NAV2: variants seen among roughly 807,000 people sequenced by gnomAD.
The protein encoded by NAV2 is neuron navigator 2, also known as helicase, APC down-regulated 1.
A neutral mutation model predicts 223.2 loss-of-function variants in NAV2; 54 were observed. The ratio of observed to expected loss-of-function variants is 0.24; its 90% CI spans 0.19 to 0.30. NAV2 has a LOEUF of 0.30. NAV2 is among the 10% of genes least tolerant of loss of function. The pLI is 1.00. For synonymous variants in NAV2, 1,279 were observed against 1,239.3 expected, an observed-to-expected ratio of 1.03 and a Z score of -0.67; for missense variants, 2,806 against 3,147.5, an observed-to-expected ratio of 0.89 and a Z score of 2.60.
Position 20,118,222 on chromosome 11 carries a change from T to A in NAV2, c.7254T>A (p.Asp2418Glu), listed in dbSNP as rs144927008. The A allele has an allele frequency of 4.4e-4, 710 of 1,614,086 alleles. 1 individual carries two copies. The highest frequency in any genetic ancestry group is 3.0e-3 in the Admixed American group (181 of 60,016). Residue 2418 changes from aspartate to glutamate, a missense_variant, in exon 38 of 38, where the codon GAT becomes GAA. By Grantham distance (45) the Asp-to-Glu change is conservative (BLOSUM62 2). Coordinates refer to ENST00000349880, the MANE Select transcript of NAV2 (RefSeq NM_145117.5). ...ACTCCAACAGCAACAGCCATCACGA[T>A]GACATCTTGGACTCCTCTTTGGAGT... ...DSDSNSNSHH[D>E]DILDSSLEST...
chr11:19,938,729 G>A (rs979662246), intron 7 of NAV2, among the ~76,000 whole-genome samples: 2 of 152,140 alleles, frequency 1.3e-5, no homozygotes, highest in South Asian at 2.1e-4. Flanking sequence ...GGAGCACAGG[G>A]AGTATGAAAT....
intron 1 of NAV2, among the ~76,000 whole-genome samples, chr11:19,642,037 G>T (rs550959909): frequency 7.7e-4 from 117 of 152,246 alleles, no homozygotes; most frequent in African/African-American, 2.7e-3. Flanking sequence ...ATAGATATTG[G>T]TTGAATTAAT....
chr11:19,870,738 A>G (rs1284887591), intron 4 of NAV2, among the ~76,000 whole-genome samples: 7 of 152,202 alleles, frequency 4.6e-5, no homozygotes, highest in Admixed American at 4.6e-4. Context: ...GCCTCAGTTT[A>G]TAGATGAAGA....
chr11:19,774,592 C>G (rs1255434737), intron 1 of NAV2, among the ~76,000 whole-genome samples: 1 of 152,084 alleles, frequency 6.6e-6, no homozygotes, highest in Admixed American at 6.6e-5. Flanking sequence ...TGTGTGTGTG[C>G]ATGGTAGGGA....
intron 1 of NAV2, among the ~76,000 whole-genome samples, chr11:19,569,699 G>A (rs1477407404): frequency 6.6e-6 from 1 of 152,118 alleles, no homozygotes; most frequent in Non-Finnish European, 1.5e-5. Flanking sequence ...AAGGAATCAG[G>A]ATGCAAAGGG....
chr11:19,402,732 T>C (rs2729912), intron 1 of NAV2, among the ~76,000 whole-genome samples: 124,498 of 152,210 alleles, frequency 0.82, 51,706 homozygotes, highest in Non-Finnish European at 0.9. Flanking sequence ...TATACTCTTG[T>C]GATTAAGTAG....
intron 5 of NAV2, among the ~76,000 whole-genome samples, chr11:19,889,740 G>A (rs746924952): frequency 6.6e-6 from 1 of 152,118 alleles, no homozygotes; most frequent in South Asian, 2.1e-4. Flanking sequence ...CCCAAACCAC[G>A]GATGTTTCAT....
At position 20,048,893 on chromosome 11, in the gene NAV2, C is replaced by T. The variant is rs1474693895; in HGVS notation, c.4068C>T (p.Tyr1356=). Residue 1356 remains tyrosine, a synonymous_variant, in exon 15 of 38, where the codon TAC becomes TAT. Coordinates refer to ENST00000349880, the MANE Select transcript of NAV2 (RefSeq NM_145117.5). ...VLSSGSSSPL[Y]SKNVDLNQSP... ...GCAGTGGGAGCAGCAGTCCTCTCTA[C>T]AGCAAGAATGTGGACCTCAACCAGT... 3 of 1,614,072 alleles carry T rather than the reference C, an allele frequency of 1.9e-6. No individual in the cohort carries two copies. The highest frequency in any genetic ancestry group is 2.5e-6 in the Non-Finnish European group (3 of 1,180,042).
chr11:19,558,038 C>T (rs1422178978), intron 1 of NAV2, among the ~76,000 whole-genome samples: 4 of 152,134 alleles, frequency 2.6e-5, no homozygotes, highest in African/African-American at 4.8e-5. Context: ...GGCAGTATAA[C>T]GTGGTGCTTA....
chr11:19,671,623 C>A (rs2048572291), intron 1 of NAV2, among the ~76,000 whole-genome samples: 1 of 152,214 alleles, frequency 6.6e-6, no homozygotes, highest in African/African-American at 2.4e-5. Context: ...GACTGAGTTT[C>A]AACAGTTTAG....
chr11:19,787,270 CTTTTTTT>C lies in NAV2; in HGVS notation c.268-45192_268-45186del, dbSNP rs757183666. Among the ~76,000 whole-genome samples the C allele has an allele frequency of 4.5e-3, 247 of 54,990 alleles. 8 individuals are homozygous for C. The highest frequency in any genetic ancestry group is 0.045 in the East Asian group (25 of 560). The allele number at this position is 54,990 out of a possible 152,430, so 36.1% of individuals were successfully genotyped here. A position where few individuals can be genotyped will look rare whatever the true frequency, so the allele number is the denominator to read the frequency against. On this transcript the variant is annotated intron_variant, in intron 1 of 37. Transcript: ENST00000349880. ...CATGCCTGGCTAATTTTTATTGGAT[CTTTTTTT>C]TTTTTTTTTTTTTTTTTTTTTGGAG... is the stretch of plus-strand genomic sequence containing the variant.
At chr11:19,368,522 T>C (rs1438449661) in intron 1 of NAV2, among the ~76,000 whole-genome samples, 1 of 152,192 alleles carries the variant, frequency 6.6e-6, no homozygotes, top group African/African-American at 2.4e-5. Context: ...AGTTTTCTCA[T>C]CTGTATGATG....
intron 1 of NAV2, among the ~76,000 whole-genome samples, chr11:19,793,206 C>CA (rs557365857): frequency 0.017 from 993 of 57,354 alleles, 15 homozygotes; most frequent in East Asian, 0.027. Context: ...CACTCTGTCT[C>CA]AAAAAAAAAA....
intron 1 of NAV2, among the ~76,000 whole-genome samples, chr11:19,458,924 C>A (rs992717617): frequency 2.0e-5 from 3 of 152,216 alleles, no homozygotes; most frequent in Admixed American, 2.0e-4. Flanking sequence ...ACTGTGCAGG[C>A]CACTGTTGCA....
intron 1 of NAV2, among the ~76,000 whole-genome samples, chr11:19,585,267 G>C (rs1730917698): frequency 6.6e-6 from 1 of 152,104 alleles, no homozygotes; most frequent in African/African-American, 2.4e-5. Flanking sequence ...TTGAGCCTAT[G>C]TGTGTCTCTA....
chr11:19,346,584 C>G (rs1564865107), upstream of NAV2, among the ~76,000 whole-genome samples: 1 of 152,184 alleles, frequency 6.6e-6, no homozygotes, highest in Non-Finnish European at 1.5e-5. Context: ...CAGCTGGGGC[C>G]CTAGTGACTT....
chr11:19,888,447 G>A (rs372550364), intron 5 of NAV2, among the ~76,000 whole-genome samples: 2 of 152,202 alleles, frequency 1.3e-5, no homozygotes, highest in African/African-American at 4.8e-5. Flanking sequence ...GATGCTTCCA[G>A]ACTGGAGGTT....
At chr11:19,814,879 T>C (rs114929076) in intron 1 of NAV2, among the ~76,000 whole-genome samples, 3,669 of 152,274 alleles carry the variant, frequency 0.024, 136 homozygotes, top group African/African-American at 0.084. Context: ...CTAAAACTTA[T>C]CCTTCTCCCC....
At chr11:19,350,869 T>C (rs919168425) in exon 1 of NAV2, 2 of 1,334,474 alleles carry the variant, frequency 1.5e-6, no homozygotes, top group African/African-American at 2.9e-5. Context: ...GGCTGTTGCA[T>C]GCATCACTTT....
Sources: allele counts gnomAD v4.1 joint callset (sites outside exome capture counted in the v4.1 genomes callset), GRCh38; gene constraint gnomAD v4.1.1; transcripts MANE v1.5; gene names NCBI Gene and HGNC (gene_info 2026-07-23, HGNC 2026-07-21).